NINL: variants seen among roughly 807,000 people sequenced by gnomAD.
NINL encodes the protein ninein-like protein.
A neutral mutation model predicts 160.3 loss-of-function variants in NINL; 153 were observed. The ratio of observed to expected loss-of-function variants is 0.95; its 90% confidence interval spans 0.84 to 1.09. NINL has a LOEUF of 1.09. Among genes scored for constraint, NINL ranks in the 50% least tolerant of loss-of-function variants. The pLI is 0.00. For missense variants in NINL, 1,829 were observed against 1,764.0 expected, an observed-to-expected ratio of 1.04 and a Z score of -0.66; for synonymous variants, 800 against 734.8, an observed-to-expected ratio of 1.09 and a Z score of -1.43.
chr20:25,513,252 T>C (rs374264507), intron 3 of NINL, among the ~76,000 whole-genome samples: 2 of 152,328 alleles, frequency 1.3e-5, no homozygotes, highest in African/African-American at 4.8e-5. Context: ...AAACTCTGTA[T>C]GCTATTTACA....
Position 25,453,476 on chromosome 20 carries a change from A to G in NINL, c.4124T>C (p.Ile1375Thr), listed in dbSNP as rs2090582269. 1.2e-6 allele frequency: 2 copies of G among 1,612,084 alleles called. No homozygotes were observed. Among genetic ancestry groups the G allele is most frequent in the South Asian group, 1.1e-5 (1 of 90,798 alleles). ...TTACACAGAGAGGGCTGCGGGGGCA[A>G]TCCTACTGACGAGTTTGTTGAGAGC... ...VRALNKLVSR[I>T]APAALSV Residue 1375 changes from isoleucine to threonine, a missense_variant, in exon 24 of 24, where the codon ATT (isoleucine) becomes ACT (threonine). Coordinates refer to ENST00000278886, the MANE Select transcript of NINL (RefSeq NM_025176.6).
chr20:25,541,807 TAGA>T (rs2064667486), intron 1 of NINL, among the ~76,000 whole-genome samples: 1 of 152,184 alleles, frequency 6.6e-6, no homozygotes. Flanking sequence ...ATGAGAGAAC[TAGA>T]AGAGCACATT....
chr20:25,453,668 T>C, intron 23 of NINL, 26 bp from the exon 24 acceptor site: 1 of 1,576,766 alleles, frequency 6.3e-7, no homozygotes. Flanking sequence ...AGCCATGCTT[T>C]GCATGAGGCC....
chr20:25,504,502 G>A (rs1022173282), intron 6 of NINL, among the ~76,000 whole-genome samples: 4 of 152,238 alleles, frequency 2.6e-5, no homozygotes, highest in Non-Finnish European at 5.9e-5. Context: ...AGGAGGAGAA[G>A]GAACATGGCC....
At chr20:25,570,689 G>A (rs1482081648) in intron 1 of NINL, among the ~76,000 whole-genome samples, 3 of 128,086 alleles carry the variant, frequency 2.3e-5, no homozygotes, top group Non-Finnish European at 4.9e-5. Context: ...TCCTGGGCAA[G>A]TAGACTTTTT....
At chr20:25,457,600 C>G (rs1455715096) in intron 22 of NINL, among the ~76,000 whole-genome samples, 1 of 152,122 alleles carries the variant, frequency 6.6e-6, no homozygotes. Flanking sequence ...AGAACTTACA[C>G]TTTACAAACA....
intron 13 of NINL, among the ~76,000 whole-genome samples, chr20:25,484,501 C>G (rs114290455): frequency 1.3e-5 from 2 of 152,240 alleles, no homozygotes; most frequent in Non-Finnish European, 1.5e-5. Flanking sequence ...AACAAGGCAG[C>G]AGCCAACACT....
At chr20:25,532,302 A>G (rs2064478847) in intron 1 of NINL, among the ~76,000 whole-genome samples, 1 of 152,188 alleles carries the variant, frequency 6.6e-6, no homozygotes, top group Non-Finnish European at 1.5e-5. Context: ...CTGGGCTAGG[A>G]TTTCCAGAAG....
intron 18 of NINL, 31 bp downstream of exon 18, chr20:25,469,960 C>T (rs754593247): frequency 1.9e-6 from 3 of 1,552,740 alleles, no homozygotes; most frequent in African/African-American, 1.4e-5. Flanking sequence ...AACGCACCCC[C>T]AGAAGGTCTG....
At chr20:25,472,923 G>A (rs1047989084) in intron 17 of NINL, among the ~76,000 whole-genome samples, 3 of 152,284 alleles carry the variant, frequency 2.0e-5, no homozygotes, top group South Asian at 2.1e-4. Context: ...ATGCAAGAAC[G>A]TTCAGTGCAG....
Position 25,500,983 on chromosome 20 carries a change from T to C in NINL, c.889A>G (p.Thr297Ala). The C allele has an allele frequency of 6.2e-7, 1 of 1,614,006 alleles. No homozygotes were observed. Among genetic ancestry groups the C allele is most frequent in the African/African-American group, 1.3e-5 (1 of 75,032 alleles). ...AGGGACACGAGGGATGAGGTTGTGGTGGTGTGGCAGCCGCTCTCCTCTGGG... is the reference window on the plus strand; with the variant it reads ...AGGGACACGAGGGATGAGGTTGTGGCGGTGTGGCAGCCGCTCTCCTCTGGG... ...QVPEESGCHT[T>A]TTSSLVSLCS... Residue 297 changes from threonine (T) to alanine (A), a missense_variant, in exon 8 of 24, where the codon ACC (threonine) becomes GCC (alanine). By Grantham distance (58) the Thr-to-Ala change is moderately conservative. Coordinates refer to ENST00000278886, the MANE Select transcript of NINL (RefSeq NM_025176.6).
At chr20:25,528,183 C>T (rs2064391133) in intron 1 of NINL, among the ~76,000 whole-genome samples, 1 of 152,130 alleles carries the variant, frequency 6.6e-6, no homozygotes, top group Admixed American at 6.6e-5. Context: ...ATGCATACCA[C>T]CGTGCCCAGC....
chr20:25,457,051 C>T (rs930976062), intron 22 of NINL, among the ~76,000 whole-genome samples: 1 of 150,842 alleles, frequency 6.6e-6, no homozygotes, highest in African/African-American at 2.4e-5. Flanking sequence ...CAGGGCCGGG[C>T]GCAGTGGCTC....
intron 1 of NINL, among the ~76,000 whole-genome samples, chr20:25,557,585 G>C (rs1306315823): frequency 1.3e-5 from 2 of 151,430 alleles, no homozygotes; most frequent in Non-Finnish European, 2.9e-5. Context: ...AAAGATAGAA[G>C]GACTTTTTAT....
Position 25,480,230 on chromosome 20 carries a change from T to A in NINL, c.1848A>T (p.Ile616=). The A allele has an allele frequency of 6.2e-7, 1 of 1,614,102 alleles. No homozygotes were observed. Among genetic ancestry groups the A allele is most frequent in the Non-Finnish European group, 8.5e-7 (1 of 1,180,006 alleles). ...SFLGNSAPVS[I]ETELMMEQVK... is the part of the protein sequence containing the mutation. ...CCTGCTCCATCATCAGCTCCGTTTCTATACTCACTGGAGCAGAATTACCCA... is the reference window on the plus strand; with the variant it reads ...CCTGCTCCATCATCAGCTCCGTTTCAATACTCACTGGAGCAGAATTACCCA... Residue 616 remains isoleucine, a synonymous_variant, in exon 15 of 24, where the codon ATA becomes ATT. Coordinates refer to ENST00000278886, the MANE Select transcript of NINL (RefSeq NM_025176.6).
At position 25,479,125 on chromosome 20, in the gene NINL, G is replaced by A. The variant is rs750950764; in HGVS notation, c.1999C>T (p.Arg667Cys). ...TGACCCTCCAGCACGCTGACCTCGC[G>A]CCTGCGAGCCTGCTCCATGTCCTTC... ...ERKDMEQARR[R>C]EVSVLEGQKA... The change falls in exon 16 of 24, where the codon CGC (arginine) becomes TGC (cysteine). Residue 667 changes from arginine (R) to cysteine (C), a missense_variant. Physicochemically the swap from Arg to Cys is radical, Grantham distance 180 (BLOSUM62 -3). Coordinates refer to ENST00000278886, the MANE Select transcript of NINL (RefSeq NM_025176.6). 9 of 1,613,714 alleles carry A rather than the reference G, an allele frequency of 5.6e-6. No individual in the cohort carries two copies. Among genetic ancestry groups the A allele is most frequent in the African/African-American group, 1.3e-5 (1 of 74,944 alleles).
rs565901537 is a variant in NINL, at chr20:25,467,455, C to G, written c.3357G>C (p.Lys1119Asn). 1.9e-6 allele frequency: 3 copies of G among 1,613,440 alleles called. No individual in the cohort carries two copies. Among genetic ancestry groups the G allele is most frequent in the Non-Finnish European group, 2.5e-6 (3 of 1,179,454 alleles). Residue 1119 changes from lysine to asparagine, a missense_variant, in exon 19 of 24, where the codon AAG becomes AAC. Lys to Asn is a moderately conservative substitution (Grantham distance 94). Transcript: ENST00000278886. ...TGTCTTTCTTTAAAACCTCAATTTC[C>G]TTCCTGTTGAAGAAGCACAATTAAC... is the stretch of plus-strand genomic sequence containing the variant. Reference protein sequence around the residue: ...AAESTHDAQRKEIEVLKKDKE... With the variant: ...AAESTHDAQRNEIEVLKKDKE...
At chr20:25,519,987 C>T (rs1355898123) in intron 2 of NINL, among the ~76,000 whole-genome samples, 1 of 37,972 alleles carries the variant, frequency 2.6e-5, no homozygotes, top group Admixed American at 4.0e-4. Context: ...GAGACCCCGT[C>T]TCAAAAAAAA....
At chr20:25,488,370 C>T (rs919717102) in intron 13 of NINL, among the ~76,000 whole-genome samples, 3 of 152,170 alleles carry the variant, frequency 2.0e-5, no homozygotes, top group Non-Finnish European at 2.9e-5. Context: ...GGACTACAGG[C>T]GTGCAGCACC....
Sources: gnomAD v4.1 joint callset for allele counts (sites outside exome capture counted in the v4.1 genomes callset) on GRCh38, gnomAD v4.1.1 for gene constraint, MANE v1.5 for transcripts, NCBI Gene and HGNC (gene_info 2026-07-23, HGNC 2026-07-21) for gene names.